Variants in IL1RAPL1 observed in about 807,000 individuals in gnomAD.
IL1RAPL1 encodes interleukin 1 receptor accessory protein like 1.
IL1RAPL1 carries 3 observed loss-of-function variants against 48.4 expected under a neutral mutation model. The ratio of observed to expected loss-of-function variants is 0.06; its 90% CI spans 0.03 to 0.16. The LOEUF is 0.16. Ranked by LOEUF, IL1RAPL1 falls within the 10% of genes least tolerant of loss-of-function variation. The pLI is 1.00. For synonymous variants in IL1RAPL1, 185 were observed against 187.7 expected (o/e 0.99, Z 0.12); for missense variants, 349 against 530.6 (o/e 0.66, Z 3.36).
chrX:29,384,739 G>T (rs1469400161), intron 3 of IL1RAPL1, among the ~76,000 whole-genome samples: 3 of 112,218 alleles, frequency 2.7e-5, no homozygotes, highest in African/African-American at 9.7e-5. Context: ...GAGCAATTCG[G>T]TGGATGGTGT....
intron 2 of IL1RAPL1, among the ~76,000 whole-genome samples, chrX:29,158,882 A>G (rs1449623882): frequency 1.1e-5 from 1 of 87,686 alleles, no homozygotes; most frequent in Non-Finnish European, 2.2e-5. Context: ...TGGATAAACA[A>G]CCTCTTTCTT....
At chrX:29,218,521 C>T (rs1198697525) in intron 2 of IL1RAPL1, among the ~76,000 whole-genome samples, 1 of 111,269 alleles carries the variant, frequency 9.0e-6, no homozygotes, top group Non-Finnish European at 1.9e-5. Context: ...CAATTATGTT[C>T]TGCTGCTATA....
chrX:29,235,918 G>C (rs974858249), intron 2 of IL1RAPL1, among the ~76,000 whole-genome samples: 2 of 112,172 alleles, frequency 1.8e-5, no homozygotes, highest in Non-Finnish European at 3.8e-5. Context: ...TTTTTCATCA[G>C]ATTCCATTTG....
At chrX:28,988,926 A>G (rs751687991) in intron 2 of IL1RAPL1, among the ~76,000 whole-genome samples, 3 of 111,841 alleles carry the variant, frequency 2.7e-5, no homozygotes, top group Non-Finnish European at 3.8e-5. Context: ...CTAAAATATA[A>G]GAGAAGGAAA....
chrX:28,714,204 A>C (rs1222849734), intron 1 of IL1RAPL1, among the ~76,000 whole-genome samples: 2 of 111,681 alleles, frequency 1.8e-5, no homozygotes, highest in Admixed American at 9.6e-5. Flanking sequence ...CTACTTAGCT[A>C]CTTTAAAACC....
At chrX:29,837,300 T>TACACACAC (rs144007476) in intron 6 of IL1RAPL1, among the ~76,000 whole-genome samples, 53 of 55,606 alleles carry the variant, frequency 9.5e-4, no homozygotes, top group African/African-American at 4.1e-3. Context: ...TATATATATA[T>TACACACAC]ACACACACAC....
At chrX:29,164,979 C>T (rs774018419) in intron 2 of IL1RAPL1, among the ~76,000 whole-genome samples, 1 of 111,922 alleles carries the variant, frequency 8.9e-6, no homozygotes, top group South Asian at 3.7e-4. Context: ...GCATGCACAG[C>T]GTCTAACTTG....
At chrX:29,727,530 C>T (rs1927805902) in intron 6 of IL1RAPL1, among the ~76,000 whole-genome samples, 1 of 112,049 alleles carries the variant, frequency 8.9e-6, no homozygotes, top group Non-Finnish European at 1.9e-5. Flanking sequence ...TACTACTTTG[C>T]TTTGGGATGC....
At chrX:28,632,473 T>C (rs1233622682) in intron 1 of IL1RAPL1, among the ~76,000 whole-genome samples, 1 of 111,757 alleles carries the variant, frequency 8.9e-6, no homozygotes, top group East Asian at 2.8e-4. Context: ...AGTGGTGTAA[T>C]TTTTACATGA....
rs1930119290 is a variant in IL1RAPL1, at chrX:29,803,310, C to CATGTATATATGTATACATGTATACAT, written c.779-114129_779-114128insTATGTATATATGTATACATGTATACA. On this transcript the variant is annotated intron_variant, in intron 6 of 10. Transcript: ENST00000378993. Reference sequence around the variant, plus strand: ...ATGTATATATGTATACATATACACACATGTATATATGTATACATGTATACA... The same window carrying CATGTATATATGTATACATGTATACAT: ...ATGTATATATGTATACATATACACACATGTATATATGTATACATGTATACATATGTATATATGTATACATGTATACA... 2.7e-4 allele frequency among the ~76,000 whole-genome samples: 5 copies of CATGTATATATGTATACATGTATACAT among 18,729 alleles called. 1 individual carries two copies. The East Asian group carries it at 8.3e-3, about 31-fold the overall frequency. The allele number at this position is 18,729 out of a possible 115,157, so 16.3% of individuals were successfully genotyped here. A position where few individuals can be genotyped will look rare whatever the true frequency, so the allele number is the denominator to read the frequency against.
intron 1 of IL1RAPL1, among the ~76,000 whole-genome samples, chrX:28,767,533 A>AT (rs1340914204): frequency 2.7e-5 from 3 of 110,523 alleles, no homozygotes; most frequent in Non-Finnish European, 3.8e-5. Flanking sequence ...TTAATTAGGG[A>AT]TTTTTTTTCC....
rs998063504 is a variant in IL1RAPL1 at position 28,640,574 on chromosome X, C to A, written c.-25+52527C>A. 6.4e-5 allele frequency among the ~76,000 whole-genome samples: 7 copies of A among 109,469 alleles called. No individual in the cohort carries two copies. In the Admixed American group the frequency reaches 6.9e-4, roughly 11 times the overall value. On this transcript the variant is annotated intron_variant, in intron 1 of 10. Transcript: ENST00000378993. ...ACATGTTGGCCAGGCTGGTCTCAAACTCCTGACCTCAAGTGATCCACCCAC... is the reference window on the plus strand; with the variant it reads ...ACATGTTGGCCAGGCTGGTCTCAAAATCCTGACCTCAAGTGATCCACCCAC...
At chrX:29,941,043 G>T (rs1164978161) in intron 8 of IL1RAPL1, among the ~76,000 whole-genome samples, 2 of 111,979 alleles carry the variant, frequency 1.8e-5, no homozygotes, top group Non-Finnish European at 3.8e-5. Context: ...CTCCTGGCAG[G>T]AGTCAGCAGA....
intron 2 of IL1RAPL1, among the ~76,000 whole-genome samples, chrX:28,893,127 G>GT (rs1922816317): frequency 9.0e-6 from 1 of 111,179 alleles, no homozygotes; most frequent in African/African-American, 3.3e-5. Flanking sequence ...GGGATGACAA[G>GT]TTTTTTGGGG....
At chrX:29,315,553 C>T (rs1047718132) in intron 3 of IL1RAPL1, among the ~76,000 whole-genome samples, 7 of 111,490 alleles carry the variant, frequency 6.3e-5, no homozygotes, top group African/African-American at 2.3e-4. Context: ...CCTAGTAATA[C>T]TAATATATAA....
intron 6 of IL1RAPL1, among the ~76,000 whole-genome samples, chrX:29,710,606 G>A (rs1415385501): frequency 9.8e-6 from 1 of 101,904 alleles, no homozygotes; most frequent in South Asian, 4.2e-4. Flanking sequence ...ATGTGTGTGT[G>A]TATATATATA....
At chrX:29,286,949 AT>A (rs1277173619) in intron 3 of IL1RAPL1, among the ~76,000 whole-genome samples, 3 of 110,320 alleles carry the variant, frequency 2.7e-5, no homozygotes, top group Non-Finnish European at 5.7e-5. Context: ...CCATACCCAG[AT>A]TTGCTCGGTG....
intron 2 of IL1RAPL1, among the ~76,000 whole-genome samples, chrX:29,220,845 G>T (rs1207845813): frequency 8.9e-6 from 1 of 111,883 alleles, no homozygotes; most frequent in African/African-American, 3.2e-5. Context: ...CTCATATCTG[G>T]GTCCCACTGC....
chrX:28,725,607 C>T (rs182995547), intron 1 of IL1RAPL1, among the ~76,000 whole-genome samples: 4 of 112,050 alleles, frequency 3.6e-5, no homozygotes, highest in Non-Finnish European at 5.6e-5. Flanking sequence ...AATTTTAAAA[C>T]GTAATTAATA....
Sources: gnomAD v4.1 joint callset for allele counts (sites outside exome capture counted in the v4.1 genomes callset) on GRCh38, gnomAD v4.1.1 for gene constraint, MANE v1.5 for transcripts, NCBI Gene and HGNC (gene_info 2026-07-23, HGNC 2026-07-21) for gene names.